Variants in ZBTB7C observed in about 807,000 individuals in gnomAD.
ZBTB7C encodes zinc finger and BTB domain containing 7C.
ZBTB7C carries 8 observed loss-of-function variants against 25.7 expected under a neutral mutation model. That is an observed-to-expected ratio of 0.31 (90% confidence interval 0.18 to 0.56). The LOEUF (loss-of-function observed/expected upper bound fraction) is 0.56, where lower values mean the gene tolerates loss of function less well. Ranked by LOEUF, ZBTB7C falls within the 20% of genes least tolerant of loss-of-function variation. ZBTB7C has a pLI of 0.91. For synonymous variants in ZBTB7C, 394 were observed against 369.0 expected (o/e 1.07, Z -0.78); for missense variants, 824 against 855.2 (o/e 0.96, Z 0.46).
intron 1 of ZBTB7C, among the ~76,000 whole-genome samples, chr18:48,373,898 T>C (rs2047452219): frequency 6.6e-6 from 1 of 151,940 alleles, no homozygotes; most frequent in Admixed American, 6.6e-5. Flanking sequence ...GAAGTGGAGC[T>C]TGCAGTGAGC....
chr18:48,357,165 C>T (rs1019645315), intron 1 of ZBTB7C, among the ~76,000 whole-genome samples: 2 of 152,188 alleles, frequency 1.3e-5, no homozygotes, highest in African/African-American at 4.8e-5. Flanking sequence ...GAAGGTCTGT[C>T]CCAGAGGGGT....
chr18:48,245,052 C>T (rs1329280099), intron 2 of ZBTB7C, among the ~76,000 whole-genome samples: 1 of 141,896 alleles, frequency 7.0e-6, no homozygotes, highest in East Asian at 2.0e-4. Context: ...CCCAAATGCC[C>T]ATCAATCAAC....
intron 3 of ZBTB7C, among the ~76,000 whole-genome samples, chr18:48,178,215 G>A (rs771973203): frequency 3.2e-4 from 49 of 152,256 alleles, no homozygotes; most frequent in Non-Finnish European, 5.3e-4. Context: ...TGACTCATGC[G>A]GACCCCTGTG....
At chr18:48,315,856 A>C (rs960179832) in intron 2 of ZBTB7C, among the ~76,000 whole-genome samples, 3 of 152,184 alleles carry the variant, frequency 2.0e-5, no homozygotes, top group Admixed American at 2.0e-4. Flanking sequence ...ACTCAACTGG[A>C]AAGATGTATA....
chr18:48,310,114 C>T (rs1858987415), intron 2 of ZBTB7C, among the ~76,000 whole-genome samples: 1 of 151,948 alleles, frequency 6.6e-6, no homozygotes, highest in African/African-American at 2.4e-5. Flanking sequence ...CCTGTAGTCC[C>T]AGCTACTCGG....
At chr18:48,181,832 T>A (rs978810764) in intron 3 of ZBTB7C, among the ~76,000 whole-genome samples, 1 of 152,242 alleles carries the variant, frequency 6.6e-6, no homozygotes, top group Non-Finnish European at 1.5e-5. Context: ...CTATGCATGT[T>A]AGATGTGTCT....
chr18:48,191,257 GC>G (rs1229099073), intron 2 of ZBTB7C, among the ~76,000 whole-genome samples: 1 of 152,170 alleles, frequency 6.6e-6, no homozygotes. Flanking sequence ...CAGGTCATGG[GC>G]CCTGTGGCAG....
At chr18:48,143,523 G>A (rs1331408052) in intron 3 of ZBTB7C, among the ~76,000 whole-genome samples, 1 of 152,168 alleles carries the variant, frequency 6.6e-6, no homozygotes, top group East Asian at 1.9e-4. Context: ...CTCAAGAGCT[G>A]AGGTCTGGCT....
At chr18:48,393,165 C>T (rs1165633591) in intron 1 of ZBTB7C, among the ~76,000 whole-genome samples, 1 of 152,048 alleles carries the variant, frequency 6.6e-6, no homozygotes, top group Non-Finnish European at 1.5e-5. Flanking sequence ...CTGAAGAGCC[C>T]ACCTGCCAGG....
At chr18:48,063,373 T>A (rs1055807091) in intron 3 of ZBTB7C, among the ~76,000 whole-genome samples, 3 of 152,228 alleles carry the variant, frequency 2.0e-5, no homozygotes, top group Non-Finnish European at 4.4e-5. Context: ...GTTCCTGCTG[T>A]CACCAGGGAT....
At chr18:48,165,219 C>G (rs757165760) in intron 3 of ZBTB7C, 83 of 879,290 alleles carry the variant, frequency 9.4e-5, no homozygotes, top group Non-Finnish European at 1.2e-4. Context: ...GAGGAGAGCT[C>G]CCAGCCTCCT....
At chr18:48,256,402 T>C (rs2044021476) in intron 2 of ZBTB7C, among the ~76,000 whole-genome samples, 2 of 150,312 alleles carry the variant, frequency 1.3e-5, no homozygotes, top group Admixed American at 6.7e-5. Flanking sequence ...ATTATCAACC[T>C]GGAATTTTCT....
intron 2 of ZBTB7C, among the ~76,000 whole-genome samples, chr18:48,212,578 A>G (rs1053719212): frequency 7.2e-5 from 11 of 152,094 alleles, no homozygotes; most frequent in Admixed American, 6.5e-5. Flanking sequence ...GAGGCTGTGC[A>G]TGAATGGGGG....
At chr18:48,367,173 T>TC (rs2047241479) in intron 1 of ZBTB7C, among the ~76,000 whole-genome samples, 1 of 19,870 alleles carries the variant, frequency 5.0e-5, no homozygotes, top group Non-Finnish European at 7.8e-5. Flanking sequence ...TCTCCCCAAG[T>TC]TTTATATATA....
chr18:48,172,625 G>C (rs112071433), intron 3 of ZBTB7C, among the ~76,000 whole-genome samples: 4,079 of 152,340 alleles, frequency 0.027, 171 homozygotes, highest in African/African-American at 0.094. Flanking sequence ...TGACCCACGG[G>C]GCCACAGGGA....
At chr18:48,193,261 T>C (rs1008120552) in intron 2 of ZBTB7C, among the ~76,000 whole-genome samples, 1 of 152,198 alleles carries the variant, frequency 6.6e-6, no homozygotes, top group African/African-American at 2.4e-5. Context: ...TAATTCACTC[T>C]TTCTGAGAAT....
At chr18:48,213,653 G>A (rs903468374) in intron 2 of ZBTB7C, among the ~76,000 whole-genome samples, 2 of 152,200 alleles carry the variant, frequency 1.3e-5, no homozygotes, top group South Asian at 4.1e-4. Flanking sequence ...GCAGTAAAGA[G>A]GACTGGGCAC....
intron 3 of ZBTB7C, chr18:48,088,421 C>T (rs541933032): frequency 6.1e-4 from 93 of 152,168 alleles, no homozygotes; most frequent in African/African-American, 2.0e-3. Flanking sequence ...GATATACATT[C>T]TAGTCAAAGA....
intron 2 of ZBTB7C, among the ~76,000 whole-genome samples, chr18:48,266,139 A>G (rs998288062): frequency 9.2e-5 from 14 of 152,202 alleles, no homozygotes; most frequent in Admixed American, 1.3e-4. Context: ...TTGTTTCAAA[A>G]TTTTAAAAAT....
Sources: gnomAD v4.1 joint callset for allele counts (sites outside exome capture counted in the v4.1 genomes callset) on GRCh38, gnomAD v4.1.1 for gene constraint, MANE v1.5 for transcripts, NCBI Gene and HGNC (gene_info 2026-07-23, HGNC 2026-07-21) for gene names.